The following ZNF681 variants were observed in gnomAD, a reference collection of about 807,000 sequenced individuals.
ZNF681 encodes zinc finger protein 681, also known as hypothetical protein FLJ31526.
A neutral mutation model predicts 56.0 loss-of-function variants in ZNF681; 37 were observed. The observed-to-expected ratio is 0.66, with a 90% CI of 0.51 to 0.87. The LOEUF (loss-of-function observed/expected upper bound fraction) is 0.87. ZNF681 is among the 40% of genes least tolerant of loss of function. The probability of loss-of-function intolerance (pLI) is 0.00; values close to 1 mark genes in which losing one functional copy is unlikely to be tolerated. For missense variants in ZNF681, 741 were observed against 744.9 expected, an observed-to-expected ratio of 0.99 and a Z score of 0.06; for synonymous variants, 225 against 248.6, an observed-to-expected ratio of 0.91 and a Z score of 0.89.
chr19:23,755,598 C>T (rs768758647), intron 1 of ZNF681, 47 bp from the exon 2 acceptor site: 4 of 613,010 alleles, frequency 6.5e-6, no homozygotes, highest in Non-Finnish European at 9.0e-6. Flanking sequence ...CACACACACA[C>T]ATACACATTT....
At chr19:23,754,359 G>GT (rs1390875700) in intron 3 of ZNF681, among the ~76,000 whole-genome samples, 1 of 152,158 alleles carries the variant, frequency 6.6e-6, no homozygotes, top group Non-Finnish European at 1.5e-5. Context: ...ACTCCCTTAT[G>GT]TGAGAGCAAA....
Position 23,744,741 on chromosome 19 carries a change from G to T in ZNF681, c.809C>A (p.Thr270Lys), listed in dbSNP as rs1196141135. Residue 270 changes from threonine (T) to lysine (K), a missense_variant, in exon 4 of 4, where the codon ACA becomes AAA. Coordinates refer to ENST00000402377, the MANE Select transcript of ZNF681 (RefSeq NM_138286.3). ...TCCAGTATGAATTATTGTATGTGTTGTAATGTGTGACGACAGGTTAAAGGC... is the reference window on the plus strand; with the variant it reads ...TCCAGTATGAATTATTGTATGTGTTTTAATGTGTGACGACAGGTTAAAGGC... ...SKAFNLSSHI[T>K]THTIIHTGEN... 6.2e-7 allele frequency: 1 copy of T among 1,613,744 alleles called. No individual in the cohort carries two copies. The highest frequency in any genetic ancestry group is 1.1e-5 in the South Asian group (1 of 91,050).
intron 1 of ZNF681, among the ~76,000 whole-genome samples, chr19:23,758,439 C>G (rs1448976172): frequency 6.6e-6 from 1 of 152,166 alleles, no homozygotes; most frequent in African/African-American, 2.4e-5. Context: ...TTCATGAACC[C>G]GGCACCCGTC....
chr19:23,758,363 G>C (rs1405436332), intron 1 of ZNF681, among the ~76,000 whole-genome samples: 2 of 152,198 alleles, frequency 1.3e-5, no homozygotes, highest in Non-Finnish European at 2.9e-5. Context: ...CAGGCCTTTT[G>C]ACTCTCATAC....
At chr19:23,753,617 C>G (rs1275192663) in intron 3 of ZNF681, among the ~76,000 whole-genome samples, 1 of 152,266 alleles carries the variant, frequency 6.6e-6, no homozygotes, top group Admixed American at 6.5e-5. Context: ...AATCCCAGCA[C>G]TTTGGGAGGC....
At chr19:23,754,045 T>C (rs557455181) in intron 3 of ZNF681, among the ~76,000 whole-genome samples, 2 of 151,430 alleles carry the variant, frequency 1.3e-5, no homozygotes, top group Non-Finnish European at 2.9e-5. Flanking sequence ...CTGAACGACA[T>C]CATACTTTAT....
rs1484452262 is a variant in ZNF681, at chr19:23,740,916, A to G, written c.*2696T>C. The G allele has an allele frequency of 2.0e-5, 3 of 152,114 alleles. No individual in the cohort carries two copies. The highest frequency in any genetic ancestry group is 4.4e-5 in the Non-Finnish European group (3 of 67,996). 9.4% of individuals were successfully genotyped at this position (152,114 alleles called of 1,614,324 possible). Reference sequence around the variant, plus strand: ...ATAAAATAAGAGAAAAAAATGTAAGACACAAGAAAATTATGGGTCTAGCCT... The same window carrying G: ...ATAAAATAAGAGAAAAAAATGTAAGGCACAAGAAAATTATGGGTCTAGCCT... On this transcript the variant is annotated 3_prime_UTR_variant, in exon 4 of 4. Transcript: ENST00000402377.
In ZNF681 at chr19:23,741,064, G is replaced by GT. The variant is rs1004176276; in HGVS notation, c.*2547dup. On this transcript the variant is annotated 3_prime_UTR_variant, in exon 4 of 4. Coordinates refer to ENST00000402377, the MANE Select transcript of ZNF681 (RefSeq NM_138286.3). ...ATGGATTTGTTTTCAGCATTTTTAA[G>GT]TTTTTTTAGTTTTGCAGTCATCATC... 1.2e-4 allele frequency: 19 copies of GT among 152,122 alleles called. No individual in the cohort carries two copies. The highest frequency in any genetic ancestry group is 7.9e-4 in the Admixed American group (12 of 15,268). 9.4% of individuals were successfully genotyped at this position (152,122 alleles called of 1,614,324 possible). A position where few individuals can be genotyped will look rare whatever the true frequency, so the allele number is the denominator to read the frequency against.
At chr19:23,751,778 C>G (rs956780508) in intron 3 of ZNF681, among the ~76,000 whole-genome samples, 1 of 152,114 alleles carries the variant, frequency 6.6e-6, no homozygotes, top group Non-Finnish European at 1.5e-5. Flanking sequence ...CTCTGCCTCC[C>G]GGGTTTATAC....
At chr19:23,753,068 T>C (rs1195315214) in intron 3 of ZNF681, among the ~76,000 whole-genome samples, 7 of 151,822 alleles carry the variant, frequency 4.6e-5, no homozygotes, top group African/African-American at 1.7e-4. Context: ...CAAGTTATGG[T>C]TCCATACACT....
intron 2 of ZNF681, 88 bp from the exon 3 acceptor site, chr19:23,755,006 G>T: frequency 2.2e-6 from 2 of 905,006 alleles, no homozygotes; most frequent in Non-Finnish European, 3.3e-6. Context: ...GGGTGAAATA[G>T]AATATTCTTG....
chr19:23,756,429 G>T (rs1969119926), intron 1 of ZNF681, among the ~76,000 whole-genome samples: 1 of 151,920 alleles, frequency 6.6e-6, no homozygotes, highest in Non-Finnish European at 1.5e-5. Context: ...AGAAAATGTG[G>T]TACATACACA....
intron 3 of ZNF681, among the ~76,000 whole-genome samples, chr19:23,752,527 C>T (rs533468750): frequency 4.0e-5 from 6 of 151,654 alleles, no homozygotes; most frequent in Admixed American, 2.0e-4. Flanking sequence ...ATACACAGAC[C>T]TGACTGCAGA....
At position 23,755,500 on chromosome 19, in the gene ZNF681, G is replaced by GCCACT; in HGVS notation, c.50_54dup (p.Gln19SerfsTer16). 1 of 1,608,426 alleles carries GCCACT rather than the reference G, an allele frequency of 6.2e-7. No homozygotes were observed. ...TTCTGCTGTATAGTGTCCAGGCATT[G>GCCACT]CCACTCCTCCAGAGAGAATTCTATG... On this transcript the variant is annotated frameshift_variant, in exon 2 of 4. Coordinates refer to ENST00000402377, the MANE Select transcript of ZNF681 (RefSeq NM_138286.3). LOFTEE classifies it high-confidence loss of function.
At chr19:23,757,874 CAG>C (rs1033079820) in intron 1 of ZNF681, among the ~76,000 whole-genome samples, 4 of 152,138 alleles carry the variant, frequency 2.6e-5, no homozygotes, top group African/African-American at 9.6e-5. Context: ...CCTTAAATCT[CAG>C]AGTTTGTATA....
In ZNF681 at chr19:23,744,800, T is replaced by A; in HGVS notation, c.750A>T (p.Arg250Ser). The part of the protein sequence containing the change: ...NLTTHKIIYT[R>S]DKLYKREECS... ...ATTCTTCACGTTTGTAGAGTTTGTC[T>A]CTAGTATAAATTATCTTATGTGTAG... Residue 250 changes from arginine to serine, a missense_variant, in exon 4 of 4, where the codon AGA becomes AGT. By Grantham distance (110) the Arg-to-Ser change is moderately radical. Coordinates refer to ENST00000402377, the MANE Select transcript of ZNF681 (RefSeq NM_138286.3). 1 of 1,613,372 alleles carries A rather than the reference T, an allele frequency of 6.2e-7. No homozygotes were observed. Among genetic ancestry groups the A allele is most frequent in the Non-Finnish European group, 8.5e-7 (1 of 1,179,674 alleles).
intron 3 of ZNF681, among the ~76,000 whole-genome samples, chr19:23,751,305 C>T (rs183456327): frequency 3.8e-4 from 57 of 151,208 alleles, no homozygotes; most frequent in South Asian, 2.1e-3. Flanking sequence ...GGTGAAACCC[C>T]GTCTCTACTA....
chr19:23,756,418 A>C (rs2144855722), intron 1 of ZNF681, among the ~76,000 whole-genome samples: 1 of 152,300 alleles, frequency 6.6e-6, no homozygotes, highest in East Asian at 1.9e-4. Context: ...AGAATGGATA[A>C]AGAAAATGTG....
chr19:23,753,860 C>CAA (rs34755450), intron 3 of ZNF681, among the ~76,000 whole-genome samples: 91,372 of 123,794 alleles, frequency 0.74, 34,064 homozygotes, highest in Admixed American at 0.8. Flanking sequence ...GACTTTGTCT[C>CAA]AAAAAAAAAA....
Sources: gnomAD v4.1 joint callset for allele counts (sites outside exome capture counted in the v4.1 genomes callset) on GRCh38, gnomAD v4.1.1 for gene constraint, MANE v1.5 for transcripts, NCBI Gene and HGNC (gene_info 2026-07-23, HGNC 2026-07-21) for gene names.